The following SRFBP1 variants were observed in gnomAD, a reference collection of about 807,000 sequenced individuals.
The protein encoded by SRFBP1 is serum response factor binding protein 1.
In SRFBP1, 47 loss-of-function variants were observed where a neutral mutation model predicts 45.5. That is an observed-to-expected ratio of 1.03 (90% CI 0.82 to 1.32). The LOEUF (loss-of-function observed/expected upper bound fraction) is 1.32, where lower values mean the gene tolerates loss of function less well. Among genes scored for constraint, SRFBP1 ranks in the 40% most tolerant of loss-of-function variants. SRFBP1 has a pLI of 0.00. For missense variants in SRFBP1, 621 were observed against 484.6 expected (o/e 1.28, Z -2.64); for synonymous variants, 203 against 166.3 (o/e 1.22, Z -1.70).
chr5:122,064,034 T>C (rs1166947235), intron 2 of SRFBP1: 1 of 151,958 alleles, frequency 6.6e-6, no homozygotes, highest in East Asian at 1.9e-4. Flanking sequence ...CAGACTGTGG[T>C]CTGAATCATC....
intron 4 of SRFBP1, among the ~76,000 whole-genome samples, chr5:122,014,289 C>G (rs1346614997): frequency 6.6e-6 from 1 of 152,076 alleles, no homozygotes; most frequent in Non-Finnish European, 1.5e-5. Flanking sequence ...GAACCTAAAG[C>G]TGTAGTATAC....
intron 3 of SRFBP1, among the ~76,000 whole-genome samples, chr5:121,994,133 A>G (rs550111927): frequency 2.0e-5 from 3 of 151,972 alleles, no homozygotes; most frequent in Middle Eastern, 3.4e-3. Context: ...TAGTATTTCT[A>G]TTTCCTTTAT....
At chr5:121,999,378 G>C (rs962414689) in intron 4 of SRFBP1, among the ~76,000 whole-genome samples, 1 of 151,870 alleles carries the variant, frequency 6.6e-6, no homozygotes, top group African/African-American at 2.4e-5. Flanking sequence ...ATTTGTTATA[G>C]TCCAGAGTAT....
intron 2 of SRFBP1, among the ~76,000 whole-genome samples, chr5:122,050,501 T>G (rs141386898): frequency 1.3e-5 from 2 of 152,194 alleles, no homozygotes; most frequent in African/African-American, 4.8e-5. Flanking sequence ...TTTATCCATT[T>G]CTTCTATATT....
At chr5:122,046,428 T>G (rs1321207515) in intron 2 of SRFBP1, among the ~76,000 whole-genome samples, 2 of 152,338 alleles carry the variant, frequency 1.3e-5, no homozygotes, top group South Asian at 4.1e-4. Flanking sequence ...TGCCACATTT[T>G]CTTAATCCAG....
At chr5:122,056,027 T>C (rs144456930) in intron 2 of SRFBP1, among the ~76,000 whole-genome samples, 1 of 152,172 alleles carries the variant, frequency 6.6e-6, no homozygotes, top group Non-Finnish European at 1.5e-5. Context: ...CCAAGAGTGT[T>C]GAATAACAGG....
At chr5:122,070,189 C>G in intron 2 of SRFBP1, 5 of 1,314,616 alleles carry the variant, frequency 3.8e-6, no homozygotes, top group Non-Finnish European at 5.5e-6. Flanking sequence ...CAAAGAGTTC[C>G]TCAGTATTTC....
At chr5:121,968,704 G>A (rs960785993) in intron 1 of SRFBP1, among the ~76,000 whole-genome samples, 2 of 152,066 alleles carry the variant, frequency 1.3e-5, no homozygotes, top group African/African-American at 4.8e-5. Context: ...TTTTGTTAAA[G>A]TACAGCATGG....
intron 3 of SRFBP1, among the ~76,000 whole-genome samples, chr5:121,982,817 A>G (rs1040172955): frequency 1.3e-5 from 2 of 151,658 alleles, no homozygotes; most frequent in African/African-American, 2.4e-5. Context: ...GCAGTATAAC[A>G]TGGCTTTTTT....
At chr5:122,064,882 T>G (rs1256646726) in intron 2 of SRFBP1, 6 of 152,028 alleles carry the variant, frequency 3.9e-5, no homozygotes, top group Non-Finnish European at 7.4e-5. Flanking sequence ...AGCTTAAGAA[T>G]CAATAAAATG....
intron 4 of SRFBP1, among the ~76,000 whole-genome samples, chr5:122,014,163 CAAAAT>C (rs1190124123): frequency 7.9e-5 from 12 of 151,776 alleles, no homozygotes; most frequent in African/African-American, 1.2e-4. Context: ...AAATTATTGT[CAAAAT>C]AAAACAGAAA....
intron 2 of SRFBP1, among the ~76,000 whole-genome samples, chr5:122,050,837 A>G (rs981077902): frequency 4.0e-5 from 6 of 151,400 alleles, no homozygotes; most frequent in Non-Finnish European, 7.4e-5. Flanking sequence ...TTCCAGTTGT[A>G]ATGTTAGGTT....
chr5:122,026,707 C>G (rs1753487724), intron 7 of SRFBP1, among the ~76,000 whole-genome samples: 1 of 152,062 alleles, frequency 6.6e-6, no homozygotes, highest in African/African-American at 2.4e-5. Context: ...TTAAGAGGCA[C>G]TCAATAAACA....
At chr5:122,044,999 ATTTAAGTC>A (rs2112735207) in intron 2 of SRFBP1, among the ~76,000 whole-genome samples, 1 of 152,206 alleles carries the variant, frequency 6.6e-6, no homozygotes, top group South Asian at 2.1e-4. Flanking sequence ...TAGTTTTTAC[ATTTAAGTC>A]TTTAATCCAT....
chr5:122,014,571 T>C (rs1035410781), intron 4 of SRFBP1, among the ~76,000 whole-genome samples: 1 of 151,604 alleles, frequency 6.6e-6, no homozygotes, highest in Non-Finnish European at 1.5e-5. Context: ...AAAAAAAAAA[T>C]TAAAAAAATC....
At chr5:121,986,197 T>C (rs1413783725) in intron 3 of SRFBP1, among the ~76,000 whole-genome samples, 1 of 151,704 alleles carries the variant, frequency 6.6e-6, no homozygotes, top group Non-Finnish European at 1.5e-5. Flanking sequence ...AGATAGAGTA[T>C]CAAGAAGAAA....
At chr5:122,004,173 G>A (rs1170869710) in intron 4 of SRFBP1, among the ~76,000 whole-genome samples, 1 of 152,144 alleles carries the variant, frequency 6.6e-6, no homozygotes, top group Non-Finnish European at 1.5e-5. Context: ...AGTTTCTTGG[G>A]TTCCTTTAAT....
At chr5:122,025,483 A>G (rs981463420) in intron 7 of SRFBP1, among the ~76,000 whole-genome samples, 8 of 152,300 alleles carry the variant, frequency 5.3e-5, no homozygotes, top group East Asian at 1.9e-4. Context: ...ACCCAATAAT[A>G]GGATGGCTGG....
At chr5:122,046,618 C>A (rs1263754472) in intron 2 of SRFBP1, among the ~76,000 whole-genome samples, 5 of 152,180 alleles carry the variant, frequency 3.3e-5, no homozygotes, top group Non-Finnish European at 7.4e-5. Context: ...TGAGGAATAG[C>A]CACACTGACT....
Sources: gnomAD v4.1 joint callset for allele counts (sites outside exome capture counted in the v4.1 genomes callset) on GRCh38, gnomAD v4.1.1 for gene constraint, MANE v1.5 for transcripts, NCBI Gene and HGNC (gene_info 2026-07-23, HGNC 2026-07-21) for gene names.